The following MYO16 variants were observed in gnomAD, a reference collection of about 807,000 sequenced individuals.
The protein encoded by MYO16 is unconventional myosin-XVI.
A neutral mutation model predicts 205.3 loss-of-function variants in MYO16; 94 were observed. That is an observed-to-expected ratio of 0.46 (90% CI 0.39 to 0.54). MYO16 has a LOEUF of 0.54. Ranked by LOEUF, MYO16 falls within the 20% of genes least tolerant of loss-of-function variation. The pLI, the probability that MYO16 is intolerant of heterozygous loss-of-function variation, is 0.00. For synonymous variants in MYO16, 988 were observed against 954.0 expected (o/e 1.04, Z -0.66); for missense variants, 2,315 against 2,387.5 (o/e 0.97, Z 0.63).
chr13:108,645,855 G>C (rs1308470336), intron 1 of MYO16, among the ~76,000 whole-genome samples: 3 of 152,162 alleles, frequency 2.0e-5, no homozygotes, highest in Non-Finnish European at 4.4e-5. Context: ...ACTTGACGCT[G>C]GATCCACAGA....
At chr13:108,747,636 G>A (rs1885107220) in intron 4 of MYO16, among the ~76,000 whole-genome samples, 1 of 152,100 alleles carries the variant, frequency 6.6e-6, no homozygotes, top group African/African-American at 2.4e-5. Context: ...AAGAGCAAAT[G>A]TAATACATGG....
intron 1 of MYO16, among the ~76,000 whole-genome samples, chr13:108,618,330 C>T (rs7321600): frequency 0.024 from 3,647 of 152,172 alleles, 120 homozygotes; most frequent in South Asian, 0.073. Context: ...GACAGAAGAG[C>T]ACCTGCAAAA....
At chr13:108,664,274 C>T (rs1419245292) in intron 1 of MYO16, among the ~76,000 whole-genome samples, 1 of 152,172 alleles carries the variant, frequency 6.6e-6, no homozygotes, top group Non-Finnish European at 1.5e-5. Flanking sequence ...CTTCCTACAT[C>T]CTATGTAAAA....
chr13:109,127,059 C>T lies in MYO16; in HGVS notation c.3783-223C>T, dbSNP rs943483646. ...TAAAAAGTAATCATGATGGATATCC[C>T]GCGGGCTCATGTGCTTTTCATCACA... On this transcript the variant is annotated intron_variant, in intron 30 of 34. Transcript: ENST00000457511. This position sits in a 1 kb window ranked among gnomAD's most constrained non-coding sequence, Gnocchi z 4.2. Among the ~76,000 whole-genome samples, 1 of 152,144 alleles carries T rather than the reference C, an allele frequency of 6.6e-6. No homozygotes were observed. The highest frequency in any genetic ancestry group is 2.4e-5 in the African/African-American group (1 of 41,430).
the MYO16 span, among the ~76,000 whole-genome samples, chr13:108,517,232 G>A: frequency 4.6e-5 from 7 of 152,162 alleles, no homozygotes; most frequent in African/African-American, 7.2e-5. Flanking sequence ...GCCTGGCTGC[G>A]TGTTGTGAAT....
intron 8 of MYO16, among the ~76,000 whole-genome samples, chr13:108,820,938 ATTAT>A (rs1875936248): frequency 6.6e-6 from 1 of 152,086 alleles, no homozygotes; most frequent in Non-Finnish European, 1.5e-5. Flanking sequence ...GATTTCTAAA[ATTAT>A]TTTAGTCACT....
intron 4 of MYO16, among the ~76,000 whole-genome samples, chr13:108,739,775 G>C (rs758704100): frequency 6.6e-6 from 1 of 152,164 alleles, no homozygotes; most frequent in Non-Finnish European, 1.5e-5. Flanking sequence ...AGGTACACCA[G>C]TCAGACATAG....
chr13:108,903,931 T>C (rs1880836889), intron 15 of MYO16, among the ~76,000 whole-genome samples: 1 of 152,202 alleles, frequency 6.6e-6, no homozygotes, highest in African/African-American at 2.4e-5. Flanking sequence ...TTATACTTTA[T>C]GGTGGATTGT....
intron 27 of MYO16, among the ~76,000 whole-genome samples, chr13:109,094,914 G>A (rs1025935166): frequency 2.7e-5 from 4 of 146,578 alleles, no homozygotes; most frequent in Admixed American, 6.9e-5. Flanking sequence ...GGGCATTTGG[G>A]TTGGTTCCAA....
At chr13:109,031,195 G>A (rs183032160) in intron 23 of MYO16, among the ~76,000 whole-genome samples, 9 of 152,010 alleles carry the variant, frequency 5.9e-5, no homozygotes, top group Admixed American at 2.0e-4. Flanking sequence ...AGATTCAAGC[G>A]ATTCTTCAGC....
At chr13:108,811,545 T>TAAAA (rs5806755) in intron 7 of MYO16, among the ~76,000 whole-genome samples, 1 of 145,326 alleles carries the variant, frequency 6.9e-6, no homozygotes, top group South Asian at 2.2e-4. Flanking sequence ...ACCACCTGTT[T>TAAAA]AAAAAAAAAA....
At chr13:108,758,300 T>C (rs1199457653) in intron 4 of MYO16, among the ~76,000 whole-genome samples, 1 of 152,228 alleles carries the variant, frequency 6.6e-6, no homozygotes, top group African/African-American at 2.4e-5. Context: ...TTGTATTTTT[T>C]AAATTTTTGT....
At chr13:108,987,469 G>T (rs9583316) in intron 20 of MYO16, among the ~76,000 whole-genome samples, 2,597 of 152,284 alleles carry the variant, frequency 0.017, 74 homozygotes, top group African/African-American at 0.06. Context: ...CCACAGCGAG[G>T]CATCAGGCCA....
At chr13:108,576,310 A>G in the MYO16 span, among the ~76,000 whole-genome samples, 2 of 152,190 alleles carry the variant, frequency 1.3e-5, no homozygotes, top group African/African-American at 4.8e-5. Flanking sequence ...CAGGCTCTGT[A>G]CATCCCTGGA....
intron 1 of MYO16, among the ~76,000 whole-genome samples, chr13:108,606,286 C>G (rs1176199921): frequency 6.6e-6 from 1 of 152,178 alleles, no homozygotes; most frequent in African/African-American, 2.4e-5. Context: ...GGGAATTTGT[C>G]TCCAAGGCAT....
At chr13:109,134,255 G>A (rs1876668930) in intron 31 of MYO16, among the ~76,000 whole-genome samples, 1 of 152,182 alleles carries the variant, frequency 6.6e-6, no homozygotes, top group Non-Finnish European at 1.5e-5. Context: ...GGACCCTTGA[G>A]TCAGGTTCTC....
intron 34 of MYO16, among the ~76,000 whole-genome samples, chr13:109,200,839 T>G (rs969453914): frequency 2.0e-5 from 3 of 152,042 alleles, no homozygotes; most frequent in Non-Finnish European, 4.4e-5. Context: ...AAGCAGAGGG[T>G]CACATCTAGT....
At chr13:108,628,028 T>C (rs2139348017), upstream of MYO16, among the ~76,000 whole-genome samples, 1 of 152,334 alleles carries the variant, frequency 6.6e-6, no homozygotes. Flanking sequence ...ATGTAAAGAT[T>C]TGTATTGATT....
the MYO16 span, among the ~76,000 whole-genome samples, chr13:108,572,662 G>C: frequency 6.6e-6 from 1 of 151,896 alleles, no homozygotes; most frequent in Non-Finnish European, 1.5e-5. Context: ...TTCCTTTATC[G>C]TTTTTTTGTG....
Sources: allele counts gnomAD v4.1 joint callset (sites outside exome capture counted in the v4.1 genomes callset), GRCh38; gene constraint gnomAD v4.1.1; non-coding constraint Gnocchi (gnomAD v3.1); transcripts MANE v1.5; gene names NCBI Gene and HGNC (gene_info 2026-07-23, HGNC 2026-07-21).